Variants in PDE3A observed in about 807,000 individuals in gnomAD.
PDE3A encodes cGMP-inhibited 3',5'-cyclic phosphodiesterase 3A.
Under a neutral mutation model 98.3 loss-of-function variants are expected in PDE3A, and 43 were observed. That is an observed-to-expected ratio of 0.44 (90% CI 0.34 to 0.56). The LOEUF is 0.56. PDE3A is among the 20% of genes least tolerant of loss of function. The pLI is 0.01. For missense variants in PDE3A, 1,427 were observed against 1,440.7 expected (o/e 0.99, Z 0.15); for synonymous variants, 663 against 567.9 (o/e 1.17, Z -2.38).
intron 1 of PDE3A, among the ~76,000 whole-genome samples, chr12:20,400,379 GTTTTTTTTTTTTTTTTTT>G (rs75851941): frequency 0.15 from 16,777 of 110,284 alleles, 1,670 homozygotes; most frequent in Admixed American, 0.24. Context: ...GTTAACATTG[GTTTTTTTTTTTTTTTTTT>G]TTTTTTTTTT....
intron 1 of PDE3A, among the ~76,000 whole-genome samples, chr12:20,431,141 ATG>A (rs1483068060): frequency 4.6e-5 from 7 of 152,094 alleles, no homozygotes; most frequent in Non-Finnish European, 8.8e-5. Context: ...TTACATATTT[ATG>A]TGTTTGCCAT....
chr12:20,426,187 C>T (rs75180904), intron 1 of PDE3A, among the ~76,000 whole-genome samples: 1 of 152,228 alleles, frequency 6.6e-6, no homozygotes, highest in Non-Finnish European at 1.5e-5. Flanking sequence ...GATTATCTCA[C>T]ATATTTATCC....
rs1295580677 is a variant in PDE3A at position 20,680,798 on chromosome 12, A to G, written c.*527A>G. On this transcript the variant is annotated 3_prime_UTR_variant, in exon 16 of 16. Transcript: ENST00000359062. The stretch of plus-strand genomic sequence containing the variant: ...TGAGGGATGAAAGTTCCAGAGCATT[A>G]TTTGAATTCTGATACATCCTGCCAA... 2 of 151,228 alleles carry G rather than the reference A, an allele frequency of 1.3e-5. No homozygotes were observed. Among genetic ancestry groups the G allele is most frequent in the African/African-American group, 5.0e-5 (2 of 40,154 alleles). 9.4% of individuals were successfully genotyped at this position (151,228 alleles called of 1,614,324 possible). A position where few individuals can be genotyped will look rare whatever the true frequency, so the allele number is the denominator to read the frequency against.
chr12:20,534,654 G>A (rs1485023244), intron 1 of PDE3A, among the ~76,000 whole-genome samples: 3 of 152,016 alleles, frequency 2.0e-5, no homozygotes, highest in Non-Finnish European at 4.4e-5. Flanking sequence ...ATTTTCTGGC[G>A]CTGTTAAGGG....
chr12:20,507,977 C>T (rs929029937), intron 1 of PDE3A, among the ~76,000 whole-genome samples: 5 of 152,082 alleles, frequency 3.3e-5, no homozygotes, highest in African/African-American at 1.2e-4. Context: ...GCTCAAAACC[C>T]TCCAATGGCT....
chr12:20,379,227 C>A lies in PDE3A; in HGVS notation c.960+8983C>A, dbSNP rs144247855. On this transcript the variant is annotated intron_variant, in intron 1 of 15. Transcript: ENST00000359062. ...GCTATGTGGAATCAGCATCCTTAGC[C>A]CATTTTTAAGCTAGCATGAACACAA... Among the ~76,000 whole-genome samples the A allele has an allele frequency of 2.1e-3, 325 of 151,862 alleles. 2 individuals carry two copies. Among genetic ancestry groups the A allele is most frequent in the African/African-American group, 7.1e-3 (296 of 41,476 alleles).
chr12:20,574,631 C>G (rs1361449402), intron 2 of PDE3A, among the ~76,000 whole-genome samples: 1 of 151,782 alleles, frequency 6.6e-6, no homozygotes, highest in Admixed American at 6.6e-5. Context: ...TTGCTCCCAC[C>G]ACCACCAGCT....
At chr12:20,666,679 T>G (rs1044297118) in intron 15 of PDE3A, among the ~76,000 whole-genome samples, 1 of 152,230 alleles carries the variant, frequency 6.6e-6, no homozygotes, top group Non-Finnish European at 1.5e-5. Flanking sequence ...CATTCATCAG[T>G]TGATGGACAC....
chr12:20,602,298 T>TGAAA, intron 2 of PDE3A, among the ~76,000 whole-genome samples: 1 of 152,208 alleles, frequency 6.6e-6, no homozygotes, highest in Non-Finnish European at 1.5e-5. Context: ...GGTTATCTTC[T>TGAAA]GAAAGATGCG....
chr12:20,542,051 G>A (rs572771571), intron 1 of PDE3A, among the ~76,000 whole-genome samples: 23 of 152,012 alleles, frequency 1.5e-4, no homozygotes, highest in Non-Finnish European at 3.1e-4. Flanking sequence ...ATTGTAGTCC[G>A]TCTATGCTTT....
chr12:20,647,549 C>CA (rs1944806299), intron 12 of PDE3A, among the ~76,000 whole-genome samples: 3 of 152,012 alleles, frequency 2.0e-5, no homozygotes, highest in Admixed American at 1.3e-4. Context: ...TTTATACAAT[C>CA]AAATTTAGCC....
At chr12:20,537,995 T>C (rs1179463409) in intron 1 of PDE3A, among the ~76,000 whole-genome samples, 1 of 152,168 alleles carries the variant, frequency 6.6e-6, no homozygotes, top group Non-Finnish European at 1.5e-5. Context: ...ATATACATGG[T>C]ATGAACCAAA....
intron 1 of PDE3A, among the ~76,000 whole-genome samples, chr12:20,400,654 G>T (rs1456680363): frequency 6.6e-6 from 1 of 151,956 alleles, no homozygotes; most frequent in African/African-American, 2.4e-5. Context: ...TCCTGACCTC[G>T]TGATCCGCCC....
chr12:20,581,629 T>C (rs1443712981), intron 2 of PDE3A, among the ~76,000 whole-genome samples: 2 of 148,604 alleles, frequency 1.3e-5, no homozygotes, highest in African/African-American at 2.5e-5. Flanking sequence ...TTTTTTTTTT[T>C]TGAGACGGAG....
At chr12:20,585,052 T>A (rs1252427992) in intron 2 of PDE3A, among the ~76,000 whole-genome samples, 1 of 152,190 alleles carries the variant, frequency 6.6e-6, no homozygotes, top group Admixed American at 6.5e-5. Flanking sequence ...AGTACCTCAA[T>A]CTTGTTCTTT....
intron 1 of PDE3A, chr12:20,553,007 G>T: frequency 6.4e-7 from 1 of 1,551,796 alleles, no homozygotes; most frequent in Non-Finnish European, 8.8e-7. Context: ...GGCAATGGCC[G>T]GTGATCTCCA....
At chr12:20,448,286 C>T (rs1241895768) in intron 1 of PDE3A, among the ~76,000 whole-genome samples, 2 of 151,948 alleles carry the variant, frequency 1.3e-5, no homozygotes, top group African/African-American at 4.8e-5. Flanking sequence ...CTAAAACTAC[C>T]AAAAATTAGC....
At chr12:20,654,810 C>A (rs540785201) in intron 15 of PDE3A, among the ~76,000 whole-genome samples, 4 of 152,200 alleles carry the variant, frequency 2.6e-5, no homozygotes. Context: ...CCGCGCCCAG[C>A]TGCTTCAGGT....
chr12:20,530,674 T>C lies in PDE3A; in HGVS notation c.961-25986T>C, dbSNP rs566089677. Among the ~76,000 whole-genome samples, 9 of 152,198 alleles carry C rather than the reference T, an allele frequency of 5.9e-5. No individual in the cohort carries two copies. The East Asian group carries it at 1.7e-3, about 29-fold the overall frequency. On this transcript the variant is annotated intron_variant, in intron 1 of 15. Coordinates refer to ENST00000359062, the MANE Select transcript of PDE3A (RefSeq NM_000921.5). ...AAGAATTGGTGCTATGGAAAAGTAT[T>C]GCTTCAACCATTTCCCCCTTTTCAA...
Sources: allele counts gnomAD v4.1 joint callset (sites outside exome capture counted in the v4.1 genomes callset), GRCh38; gene constraint gnomAD v4.1.1; transcripts MANE v1.5; gene names NCBI Gene and HGNC (gene_info 2026-07-23, HGNC 2026-07-21).